The following PCDHGA6 variants were observed in gnomAD, a reference collection of about 807,000 sequenced individuals.
PCDHGA6 encodes protocadherin gamma subfamily A, 6.
PCDHGA6 carries 41 observed loss-of-function variants against 60.6 expected under a neutral mutation model. The observed-to-expected ratio is 0.68, with a 90% CI of 0.53 to 0.88. The LOEUF (loss-of-function observed/expected upper bound fraction) is 0.88, where lower values mean the gene tolerates loss of function less well. Ranked by LOEUF, PCDHGA6 falls within the 40% of genes least tolerant of loss-of-function variation. The pLI is 0.00. For missense variants in PCDHGA6, 1,312 were observed against 1,203.0 expected, an observed-to-expected ratio of 1.09 and a Z score of -1.34; for synonymous variants, 594 against 524.4, an observed-to-expected ratio of 1.13 and a Z score of -1.81.
In PCDHGA6 at chr5:141,486,587, G is replaced by A. The variant is rs2099631441; in HGVS notation, c.2425-8220G>A. 6.2e-7 allele frequency: 1 copy of A among 1,613,478 alleles called. No homozygotes were observed. The highest frequency in any genetic ancestry group is 1.7e-5 in the Admixed American group (1 of 60,014). On this transcript the variant is annotated intron_variant, in intron 1 of 3. Coordinates refer to ENST00000517434, the MANE Select transcript of PCDHGA6 (RefSeq NM_018919.3). The surrounding 1 kb of genome is among the most constrained non-coding windows in gnomAD (Gnocchi z 5.0). ...TGTTCCTGAGAACAATCGCCCAGGGGACCTGCTTTGCTCCCTTGCAGCCTC... is the reference window on the plus strand; with the variant it reads ...TGTTCCTGAGAACAATCGCCCAGGGAACCTGCTTTGCTCCCTTGCAGCCTC...
chr5:141,390,645 G>C (rs1287845868), intron 1 of PCDHGA6: 1 of 218,998 alleles, frequency 4.6e-6, no homozygotes, highest in Admixed American at 5.3e-5. Context: ...ACTTTTTTCA[G>C]CTTGGATATA....
Position 141,418,592 on chromosome 5 carries a change from G to A in PCDHGA6, c.2424+42085G>A, listed in dbSNP as rs772314584. Reference sequence around the variant, plus strand: ...TGACAACCCCCCAGTGTTCAGCCAGGACGTGTACAGGGTTAGCCTTCGGGA... The same window carrying A: ...TGACAACCCCCCAGTGTTCAGCCAGAACGTGTACAGGGTTAGCCTTCGGGA... On this transcript the variant is annotated intron_variant, in intron 1 of 3. Transcript: ENST00000517434. 18 of 1,614,020 alleles carry A rather than the reference G, an allele frequency of 1.1e-5. No homozygotes were observed. The highest frequency in any genetic ancestry group is 1.5e-5 in the Non-Finnish European group (18 of 1,179,902).
chr5:141,415,686 G>T, intron 1 of PCDHGA6: 2 of 1,535,424 alleles, frequency 1.3e-6, no homozygotes, highest in Middle Eastern at 1.7e-4. Flanking sequence ...GCGGCATGAT[G>T]GTGGAAAGTG....
At chr5:141,404,484 C>G in intron 1 of PCDHGA6, 1 of 1,613,504 alleles carries the variant, frequency 6.2e-7, no homozygotes, top group East Asian at 2.2e-5. Context: ...AACTCAGACA[C>G]TGGTGTGCTG....
intron 1 of PCDHGA6, among the ~76,000 whole-genome samples, chr5:141,483,007 C>T (rs938404755): frequency 1.3e-5 from 2 of 152,022 alleles, no homozygotes; most frequent in Non-Finnish European, 2.9e-5. Flanking sequence ...ATTGCTTGAA[C>T]CCGGGAGGCA....
chr5:141,385,020 C>T, intron 1 of PCDHGA6: 3 of 1,614,168 alleles, frequency 1.9e-6, no homozygotes, highest in Non-Finnish European at 2.5e-6. Flanking sequence ...TCCTAGCCTT[C>T]GTCCTCGTAC....
chr5:141,503,377 A>G lies in PCDHGA6; in HGVS notation c.2484-2016A>G, dbSNP rs534841057. Among the ~76,000 whole-genome samples, 4 of 152,142 alleles carry G rather than the reference A, an allele frequency of 2.6e-5. No homozygotes were observed. In the East Asian group the frequency reaches 7.8e-4, roughly 30 times the overall value. The stretch of plus-strand genomic sequence containing the variant: ...TTTGGGAAGCGGAGGCAGGTGGATC[A>G]TGAGGTCAGGAGTTCGAAACCAACC... On this transcript the variant is annotated intron_variant, in intron 2 of 3. Coordinates refer to ENST00000517434, the MANE Select transcript of PCDHGA6 (RefSeq NM_018919.3).
At chr5:141,509,128 A>C (rs995210331) in intron 3 of PCDHGA6, among the ~76,000 whole-genome samples, 8 of 151,958 alleles carry the variant, frequency 5.3e-5, no homozygotes, top group African/African-American at 1.7e-4. Flanking sequence ...TGAAGAGAAA[A>C]ACCGAGGCGC....
intron 1 of PCDHGA6, among the ~76,000 whole-genome samples, chr5:141,463,641 C>T (rs182957065): frequency 2.0e-5 from 3 of 151,734 alleles, no homozygotes; most frequent in African/African-American, 7.2e-5. Context: ...TTAGTAGAGA[C>T]GGGGTTTCAC....
chr5:141,374,969 G>A lies in PCDHGA6; in HGVS notation c.886G>A (p.Val296Ile), dbSNP rs200408172. The A allele has an allele frequency of 1.2e-5, 20 of 1,613,904 alleles. No individual in the cohort carries two copies. Among genetic ancestry groups the A allele is most frequent in the Middle Eastern group, 1.6e-4 (1 of 6,084 alleles). Reference sequence around the variant, plus strand: ...GATCTCACAAATTTTCTGTTTGAATGTTTTGACTGGAGAAATTTCAACTTC... The same window carrying A: ...GATCTCACAAATTTTCTGTTTGAATATTTTGACTGGAGAAATTTCAACTTC... ...EKISQIFCLN[V>I]LTGEISTSAN... is the part of the protein sequence containing the mutation. Residue 296 changes from valine to isoleucine, a missense_variant, in exon 1 of 4, where the codon GTT (valine) becomes ATT (isoleucine). Physicochemically the swap from Val to Ile is conservative, Grantham distance 29 (BLOSUM62 3). Transcript: ENST00000517434.
At chr5:141,385,414 A>G in intron 1 of PCDHGA6, 1 of 1,472,092 alleles carries the variant, frequency 6.8e-7, no homozygotes. Context: ...GAAAATAGGG[A>G]TTTAAAAAAC....
At chr5:141,421,241 T>C in intron 1 of PCDHGA6, 1 of 1,600,982 alleles carries the variant, frequency 6.2e-7, no homozygotes, top group Non-Finnish European at 8.5e-7. Flanking sequence ...GCGAATCGGC[T>C]ACAGCGCGGG....
At chr5:141,479,189 G>A (rs1466742057) in intron 1 of PCDHGA6, 3 of 152,358 alleles carry the variant, frequency 2.0e-5, no homozygotes, top group African/African-American at 7.2e-5. Flanking sequence ...AGAAAATTCA[G>A]AAAATACAGA....
chr5:141,485,586 TG>T lies in PCDHGA6; in HGVS notation c.2425-9219del. The T allele has an allele frequency of 6.2e-7, 1 of 1,612,402 alleles. No homozygotes were observed. Among genetic ancestry groups the T allele is most frequent in the Non-Finnish European group, 8.5e-7 (1 of 1,178,600 alleles). Reference sequence around the variant, plus strand: ...GCCCCCCGTTTTCCGCGGCAGCAGCTGGACTTGGAAATTGGGGAGGCAGCTC... The same window carrying T: ...GCCCCCCGTTTTCCGCGGCAGCAGCTGACTTGGAAATTGGGGAGGCAGCTC... On this transcript the variant is annotated intron_variant, in intron 1 of 3. Coordinates refer to ENST00000517434, the MANE Select transcript of PCDHGA6 (RefSeq NM_018919.3). The surrounding 1 kb of genome is among the most constrained non-coding windows in gnomAD (Gnocchi z 5.7).
chr5:141,490,941 A>G lies in PCDHGA6; in HGVS notation c.2425-3866A>G. The G allele has an allele frequency of 6.2e-7, 1 of 1,613,628 alleles. No homozygotes were observed. The highest frequency in any genetic ancestry group is 8.5e-7 in the Non-Finnish European group (1 of 1,179,772). On this transcript the variant is annotated intron_variant, in intron 1 of 3. Coordinates refer to ENST00000517434, the MANE Select transcript of PCDHGA6 (RefSeq NM_018919.3). The surrounding 1 kb of genome is among the most constrained non-coding windows in gnomAD (Gnocchi z 5.4). ...ATAATGCCCCAGCTGTGCTGCACCC[A>G]CGGCCAGACTGGGAACACTCAGCCC... is the stretch of plus-strand genomic sequence containing the variant.
intron 1 of PCDHGA6, chr5:141,415,810 T>C: frequency 7.4e-7 from 1 of 1,360,418 alleles, no homozygotes; most frequent in Non-Finnish European, 9.5e-7. Context: ...AATCAAGGCC[T>C]ATATATCATA....
At chr5:141,426,933 G>A (rs1294433096) in intron 1 of PCDHGA6, 1 of 456,660 alleles carries the variant, frequency 2.2e-6, no homozygotes, top group Non-Finnish European at 4.4e-6. Context: ...GGACATGGGT[G>A]ACCCAGTCCC....
chr5:141,511,489 A>G lies in PCDHGA6; in HGVS notation c.*316A>G. 2.3e-6 allele frequency: 1 copy of G among 435,688 alleles called. No individual in the cohort carries two copies. Among genetic ancestry groups the G allele is most frequent in the Non-Finnish European group, 4.2e-6 (1 of 239,908 alleles). The allele number at this position is 435,688 out of a possible 1,614,324, so 27.0% of individuals were successfully genotyped here. ...CGTTTAGTTACAGCTGAACTCCTCC[A>G]TCTTCCAAATCAATCAGGCCCATCC... On this transcript the variant is annotated 3_prime_UTR_variant, in exon 4 of 4. Coordinates refer to ENST00000517434, the MANE Select transcript of PCDHGA6 (RefSeq NM_018919.3).
At chr5:141,423,557 G>A (rs1365715281) in intron 1 of PCDHGA6, 4 of 1,613,536 alleles carry the variant, frequency 2.5e-6, no homozygotes, top group East Asian at 2.2e-5. Context: ...CCCAACTATG[G>A]GGACACGCTC....
Sources: allele counts gnomAD v4.1 joint callset (sites outside exome capture counted in the v4.1 genomes callset), GRCh38; gene constraint gnomAD v4.1.1; non-coding constraint Gnocchi (gnomAD v3.1); transcripts MANE v1.5; gene names NCBI Gene and HGNC (gene_info 2026-07-23, HGNC 2026-07-21).